The following SNX29 variants were observed in gnomAD, a reference collection of about 807,000 sequenced individuals.
SNX29 encodes the protein sorting nexin 29.
A neutral mutation model predicts 102.1 loss-of-function variants in SNX29; 78 were observed. The observed-to-expected ratio is 0.76, with a 90% CI of 0.64 to 0.92. The LOEUF is 0.92. Ranked by LOEUF, SNX29 falls within the 40% of genes least tolerant of loss-of-function variation. The probability of loss-of-function intolerance (pLI) is 0.00; values close to 1 mark genes in which losing one functional copy is unlikely to be tolerated. For synonymous variants in SNX29, 580 were observed against 414.5 expected (o/e 1.40, Z -4.85); for missense variants, 1,280 against 1,061.7 (o/e 1.21, Z -2.86).
intron 5 of SNX29, 75 bp from the exon 6 acceptor site, chr16:12,046,309 C>G: frequency 6.7e-7 from 1 of 1,483,320 alleles, no homozygotes; most frequent in South Asian, 1.2e-5. Context: ...AGGGAGCCGT[C>G]TAATGGAATT....
At chr16:12,175,264 A>G (rs1179596005) in intron 13 of SNX29, among the ~76,000 whole-genome samples, 1 of 152,074 alleles carries the variant, frequency 6.6e-6, no homozygotes, top group East Asian at 1.9e-4. Flanking sequence ...TACCCCCCGA[A>G]TATATATGTT....
At chr16:12,553,006 G>C (rs898097170) in intron 20 of SNX29, among the ~76,000 whole-genome samples, 4 of 152,218 alleles carry the variant, frequency 2.6e-5, no homozygotes, top group African/African-American at 9.7e-5. Context: ...GAAATCAGGA[G>C]AGTGGGATTA....
At chr16:12,558,300 G>T (rs988700875) in intron 20 of SNX29, among the ~76,000 whole-genome samples, 1 of 152,100 alleles carries the variant, frequency 6.6e-6, no homozygotes, top group Non-Finnish European at 1.5e-5. Flanking sequence ...ACGCGAGATG[G>T]CCCCTGGTCA....
chr16:12,274,195 C>G (rs537064409), intron 14 of SNX29, among the ~76,000 whole-genome samples: 1 of 152,294 alleles, frequency 6.6e-6, no homozygotes, highest in South Asian at 2.1e-4. Context: ...GTATAAGGCT[C>G]AAAATAATTT....
intron 10 of SNX29, among the ~76,000 whole-genome samples, chr16:12,073,777 C>G (rs1021740975): frequency 1.3e-5 from 2 of 152,104 alleles, no homozygotes; most frequent in East Asian, 3.9e-4. Context: ...GTGTTAAAGT[C>G]TCTCATTATT....
intron 14 of SNX29, among the ~76,000 whole-genome samples, chr16:12,228,587 A>G (rs1326413142): frequency 6.6e-6 from 1 of 152,246 alleles, no homozygotes; most frequent in Non-Finnish European, 1.5e-5. Flanking sequence ...TTGCAATTAA[A>G]ATGAAATCCA....
intron 20 of SNX29, among the ~76,000 whole-genome samples, chr16:12,558,235 C>G (rs1215726566): frequency 1.6e-4 from 12 of 76,808 alleles, no homozygotes; most frequent in South Asian, 3.5e-4. Flanking sequence ...TCTTCAGCCC[C>G]CCCAGTAGAT....
Position 12,027,327 on chromosome 16 carries a change from T to A in SNX29, c.130T>A (p.Cys44Ser). The change falls in exon 4 of 21, where the codon TGT becomes AGT. Residue 44 changes from cysteine to serine, a missense_variant. Coordinates refer to ENST00000566228, the MANE Select transcript of SNX29 (RefSeq NM_032167.5). ...IASDSDSRVT[C>S]LCAQFEAVLQ... ...TCATTGGTTTTCTCACAGGGTCACC[T>A]GTCTGTGTGCCCAGTTTGAAGCCGT... 1 of 1,613,750 alleles carries A rather than the reference T, an allele frequency of 6.2e-7. No individual in the cohort carries two copies. The highest frequency in any genetic ancestry group is 8.5e-7 in the Non-Finnish European group (1 of 1,179,772).
At chr16:12,525,827 A>G (rs77443981) in intron 20 of SNX29, among the ~76,000 whole-genome samples, 571 of 152,194 alleles carry the variant, frequency 3.8e-3, no homozygotes, top group African/African-American at 0.013. Context: ...TTCGCCTGCC[A>G]CATGCCAGGC....
chr16:12,408,794 TG>T (rs1328809764), intron 18 of SNX29, among the ~76,000 whole-genome samples: 1 of 152,226 alleles, frequency 6.6e-6, no homozygotes, highest in Non-Finnish European at 1.5e-5. Flanking sequence ...CACTCCAGCC[TG>T]GGGGACAGGA....
At chr16:12,528,521 A>G (rs1221095266) in intron 20 of SNX29, among the ~76,000 whole-genome samples, 1 of 152,052 alleles carries the variant, frequency 6.6e-6, no homozygotes, top group Non-Finnish European at 1.5e-5. Flanking sequence ...GAAAAATCAG[A>G]AGAATTGGTC....
chr16:12,259,647 C>A (rs1000851929), intron 14 of SNX29, among the ~76,000 whole-genome samples: 1 of 152,198 alleles, frequency 6.6e-6, no homozygotes, highest in Non-Finnish European at 1.5e-5. Context: ...GGGACATTTT[C>A]TCATCACCTA....
intron 15 of SNX29, among the ~76,000 whole-genome samples, chr16:12,355,843 TAAAAAAAAAAAAAAAAA>T (rs56358290): frequency 2.0e-4 from 17 of 85,582 alleles, no homozygotes; most frequent in Admixed American, 4.9e-4. Flanking sequence ...GAGATCTTAT[TAAAAAAAAAAAAAAAAA>T]AAAAAAAAAA....
intron 18 of SNX29, among the ~76,000 whole-genome samples, chr16:12,472,529 C>CAAAAAAAAAAAAAACAAA (rs1488378675): frequency 1.4e-5 from 1 of 72,940 alleles, no homozygotes. Context: ...AAAAAAAAAC[C>CAAAAAAAAAAAAAACAAA]AAAAAAAAAA....
intron 16 of SNX29, among the ~76,000 whole-genome samples, chr16:12,379,017 C>T (rs56255760): frequency 0.063 from 9,528 of 152,242 alleles, 1,003 homozygotes; most frequent in African/African-American, 0.21. Context: ...AGTTAGTGCT[C>T]ACCCTTGGAT....
intron 15 of SNX29, among the ~76,000 whole-genome samples, chr16:12,308,283 C>A (rs900051129): frequency 2.0e-5 from 3 of 152,236 alleles, no homozygotes; most frequent in African/African-American, 7.2e-5. Context: ...ATGGTGGCTT[C>A]TGGGTCCCAC....
At chr16:12,039,614 A>G (rs2257492) in intron 4 of SNX29, among the ~76,000 whole-genome samples, 58,477 of 151,744 alleles carry the variant, frequency 0.39, 11,785 homozygotes, top group Middle Eastern at 0.45. Flanking sequence ...CCTTTGTCAC[A>G]TTTCAGAGGG....
intron 18 of SNX29, among the ~76,000 whole-genome samples, chr16:12,438,550 C>T (rs1217499179): frequency 2.0e-5 from 3 of 152,198 alleles, no homozygotes; most frequent in African/African-American, 7.2e-5. Context: ...ATTCTTTTAA[C>T]ACAGACCAGC....
At chr16:12,512,344 C>T (rs2089656468) in intron 19 of SNX29, among the ~76,000 whole-genome samples, 1 of 125,282 alleles carries the variant, frequency 8.0e-6, no homozygotes, top group Non-Finnish European at 1.7e-5. Flanking sequence ...TCACTGTTTA[C>T]GTCCATCATG....
Sources: gnomAD v4.1 joint callset for allele counts (sites outside exome capture counted in the v4.1 genomes callset) on GRCh38, gnomAD v4.1.1 for gene constraint, MANE v1.5 for transcripts, NCBI Gene and HGNC (gene_info 2026-07-23, HGNC 2026-07-21) for gene names.